The following GPC5 variants were observed in gnomAD, a reference collection of about 807,000 sequenced individuals.
The protein encoded by GPC5 is glypican-5.
A neutral mutation model predicts 53.9 loss-of-function variants in GPC5; 47 were observed. The ratio of observed to expected loss-of-function variants is 0.87; its 90% CI spans 0.69 to 1.11. The LOEUF is 1.11. GPC5 is among the 50% of genes most tolerant of loss of function. The probability of loss-of-function intolerance (pLI) is 0.00; values close to 1 mark genes in which losing one functional copy is unlikely to be tolerated. For missense variants in GPC5, 748 were observed against 713.1 expected, an observed-to-expected ratio of 1.05 and a Z score of -0.56; for synonymous variants, 286 against 263.3, an observed-to-expected ratio of 1.09 and a Z score of -0.84.
intron 4 of GPC5, among the ~76,000 whole-genome samples, chr13:91,738,286 T>C (rs2140055663): frequency 6.6e-6 from 1 of 151,546 alleles, no homozygotes; most frequent in East Asian, 1.9e-4. Flanking sequence ...TTCAAAGTAA[T>C]CAAAATGACA....
chr13:91,756,628 A>T (rs1196967423), intron 5 of GPC5, among the ~76,000 whole-genome samples: 1 of 151,892 alleles, frequency 6.6e-6, no homozygotes, highest in Non-Finnish European at 1.5e-5. Flanking sequence ...ATTCTGTGGT[A>T]TTTTGAAAGT....
chr13:92,119,298 T>C (rs752326626), intron 6 of GPC5, among the ~76,000 whole-genome samples: 16 of 151,882 alleles, frequency 1.1e-4, no homozygotes, highest in Non-Finnish European at 1.8e-4. Context: ...TGCCACAACA[T>C]GTGGGAATTA....
rs574241356 is a variant in GPC5, at chr13:92,133,422, G to A, written c.1402-11408G>A. On this transcript the variant is annotated intron_variant, in intron 6 of 7. Coordinates refer to ENST00000377067, the MANE Select transcript of GPC5 (RefSeq NM_004466.6). ...TTAGGGGAAACTTCCCTTTTTAATA[G>A]AGCATTTGAAAATGAATTCTGCATA... Among the ~76,000 whole-genome samples, 58 of 152,230 alleles carry A rather than the reference G, an allele frequency of 3.8e-4. 1 individual carries two copies. In the South Asian group the frequency reaches 4.4e-3, roughly 11 times the overall value.
chr13:91,836,378 T>C (rs1272084596), intron 5 of GPC5, among the ~76,000 whole-genome samples: 1 of 152,126 alleles, frequency 6.6e-6, no homozygotes, highest in Non-Finnish European at 1.5e-5. Flanking sequence ...TTTCTTGCTG[T>C]ATTTCAGGGA....
intron 7 of GPC5, among the ~76,000 whole-genome samples, chr13:92,443,840 TAGC>T (rs1334995926): frequency 6.6e-6 from 1 of 152,162 alleles, no homozygotes; most frequent in African/African-American, 2.4e-5. Flanking sequence ...TGCAAAAAAG[TAGC>T]AGCACATCTG....
chr13:92,698,094 G>A (rs1209069953), intron 7 of GPC5, among the ~76,000 whole-genome samples: 1 of 152,070 alleles, frequency 6.6e-6, no homozygotes, highest in Non-Finnish European at 1.5e-5. Context: ...TGCTGGAATT[G>A]GCTTGCCAGT....
intron 7 of GPC5, among the ~76,000 whole-genome samples, chr13:92,259,753 A>G (rs1222653930): frequency 6.6e-6 from 1 of 151,872 alleles, no homozygotes; most frequent in Non-Finnish European, 1.5e-5. Context: ...AGTTTGGGGA[A>G]CTCCCTTAAA....
At chr13:92,822,756 C>A (rs1877716376) in intron 7 of GPC5, among the ~76,000 whole-genome samples, 1 of 152,134 alleles carries the variant, frequency 6.6e-6, no homozygotes, top group Admixed American at 6.6e-5. Flanking sequence ...ATATGAAAAG[C>A]TTGATTTCCT....
intron 2 of GPC5, among the ~76,000 whole-genome samples, chr13:91,525,945 A>G (rs978576503): frequency 6.6e-6 from 1 of 152,186 alleles, no homozygotes; most frequent in South Asian, 2.1e-4. Flanking sequence ...CTCTACCACT[A>G]CAGGTGTCAA....
At chr13:91,900,169 AG>A (rs1387601377) in intron 5 of GPC5, among the ~76,000 whole-genome samples, 29 of 152,182 alleles carry the variant, frequency 1.9e-4, no homozygotes, top group Admixed American at 1.5e-3. Context: ...AATACAAAAA[AG>A]CTATATAAGA....
At position 91,748,998 on chromosome 13, in the gene GPC5, G is replaced by A. The variant is rs192425255; in HGVS notation, c.1155-7297G>A. On this transcript the variant is annotated intron_variant, in intron 4 of 7. Transcript: ENST00000377067. ...TGAGGTTTAGGGGAAAGAGTCGAGC[G>A]CTCTTACGCCATGGCAAGACATTTT... 4.6e-5 allele frequency among the ~76,000 whole-genome samples: 7 copies of A among 152,082 alleles called. No homozygotes were observed. In the East Asian group the frequency reaches 1.4e-3, roughly 29 times the overall value.
At chr13:92,503,157 C>T (rs773527173) in intron 7 of GPC5, among the ~76,000 whole-genome samples, 2 of 151,882 alleles carry the variant, frequency 1.3e-5, no homozygotes, top group Non-Finnish European at 2.9e-5. Flanking sequence ...GTGATGAAGT[C>T]TTGGCTTTTA....
chr13:92,527,243 AAGAAAG>A (rs1232713786), intron 7 of GPC5, among the ~76,000 whole-genome samples: 1,099 of 36,636 alleles, frequency 0.03, 130 homozygotes, highest in East Asian at 0.085. Flanking sequence ...GAAAGAAAGA[AAGAAAG>A]AGAAAGAAAG....
At chr13:91,532,022 G>A (rs1400158877) in intron 2 of GPC5, among the ~76,000 whole-genome samples, 1 of 152,052 alleles carries the variant, frequency 6.6e-6, no homozygotes, top group East Asian at 1.9e-4. Flanking sequence ...TAGTCAAGCA[G>A]TTATTGAGCA....
At chr13:92,093,280 T>A (rs2041395282) in intron 6 of GPC5, among the ~76,000 whole-genome samples, 1 of 152,158 alleles carries the variant, frequency 6.6e-6, no homozygotes, top group Non-Finnish European at 1.5e-5. Flanking sequence ...GTCACCAAGT[T>A]TATCAGTTAA....
chr13:91,673,763 C>A (rs549898677), intron 2 of GPC5, among the ~76,000 whole-genome samples: 1 of 152,140 alleles, frequency 6.6e-6, no homozygotes, highest in Non-Finnish European at 1.5e-5. Flanking sequence ...CCAGTGAACA[C>A]CAGAAAATAA....
intron 5 of GPC5, among the ~76,000 whole-genome samples, chr13:91,817,484 C>T (rs1435815382): frequency 6.6e-6 from 1 of 152,096 alleles, no homozygotes. Flanking sequence ...CGAGATCTTT[C>T]CCATAACAGT....
intron 7 of GPC5, among the ~76,000 whole-genome samples, chr13:92,337,498 G>C (rs1270513789): frequency 2.0e-5 from 3 of 152,204 alleles, no homozygotes; most frequent in Admixed American, 2.0e-4. Context: ...GAATTACAAA[G>C]GAGAGAATAT....
intron 7 of GPC5, among the ~76,000 whole-genome samples, chr13:92,771,308 C>T (rs1390734623): frequency 6.6e-6 from 1 of 152,128 alleles, no homozygotes; most frequent in East Asian, 1.9e-4. Flanking sequence ...ATCTAGACTT[C>T]TGGCCTACTC....
Sources: allele counts gnomAD v4.1 joint callset (sites outside exome capture counted in the v4.1 genomes callset), GRCh38; gene constraint gnomAD v4.1.1; transcripts MANE v1.5; gene names NCBI Gene and HGNC (gene_info 2026-07-23, HGNC 2026-07-21).